Variants in SCN11A observed in about 807,000 individuals in gnomAD.
The protein encoded by SCN11A is sodium voltage-gated channel alpha subunit 11, also known as sodium channel protein type 11 subunit alpha.
A neutral mutation model predicts 162.2 loss-of-function variants in SCN11A; 122 were observed. The observed-to-expected ratio is 0.75, with a 90% CI of 0.65 to 0.87. The LOEUF is 0.87. Ranked by LOEUF, SCN11A falls within the 40% of genes least tolerant of loss-of-function variation. The pLI is 0.00. For synonymous variants in SCN11A, 758 were observed against 751.5 expected (o/e 1.01, Z -0.14); for missense variants, 2,015 against 2,181.6 (o/e 0.92, Z 1.52).
chr3:39,022,217 C>T (rs1037831755), intron 2 of SCN11A, among the ~76,000 whole-genome samples: 1 of 152,214 alleles, frequency 6.6e-6, no homozygotes, highest in African/African-American at 2.4e-5. Context: ...GTCCCTGGGA[C>T]TCATGGAGAG....
intron 2 of SCN11A, among the ~76,000 whole-genome samples, chr3:38,992,074 G>A (rs1476713393): frequency 6.6e-6 from 1 of 152,192 alleles, no homozygotes; most frequent in Non-Finnish European, 1.5e-5. Flanking sequence ...CTCCCAAAGT[G>A]CTGGGATTAC....
chr3:39,026,939 T>C (rs1267028165), intron 2 of SCN11A, among the ~76,000 whole-genome samples: 1 of 152,130 alleles, frequency 6.6e-6, no homozygotes, highest in Non-Finnish European at 1.5e-5. Flanking sequence ...AGAAGAGCCT[T>C]ATTAGTGTTA....
intron 7 of SCN11A, among the ~76,000 whole-genome samples, chr3:38,933,225 C>T (rs1559541396): frequency 2.0e-5 from 3 of 152,176 alleles, no homozygotes; most frequent in Admixed American, 6.5e-5. Context: ...CCCATCTGTA[C>T]ATCACCATCA....
intron 1 of SCN11A, among the ~76,000 whole-genome samples, chr3:39,037,177 C>CAAATGGATGGAACAACA (rs2031924394): frequency 6.6e-6 from 1 of 152,070 alleles, no homozygotes; most frequent in Non-Finnish European, 1.5e-5. Context: ...TTTGCAACAA[C>CAAATGGATGGAACAACA]GTGGATGGAA....
rs776093163 is a variant in SCN11A, at chr3:38,850,451, A to C, written c.4327+30T>G. On this transcript the variant is annotated intron_variant, in intron 29 of 29. Coordinates refer to ENST00000302328, the MANE Select transcript of SCN11A (RefSeq NM_001349253.2). ...ATTTACAAACTTACTTCTGGTTCTTAAAGTCCCTCTGACTGCTGATTTTAC... is the reference window on the plus strand; with the variant it reads ...ATTTACAAACTTACTTCTGGTTCTTCAAGTCCCTCTGACTGCTGATTTTAC... 1.9e-6 allele frequency: 3 copies of C among 1,584,048 alleles called. No individual in the cohort carries two copies. In the Admixed American group the frequency reaches 5.3e-5, roughly 28 times the overall value.
At chr3:38,984,134 G>A (rs2030151551) in intron 2 of SCN11A, among the ~76,000 whole-genome samples, 1 of 152,206 alleles carries the variant, frequency 6.6e-6, no homozygotes, top group African/African-American at 2.4e-5. Flanking sequence ...TCCCAGAGCA[G>A]TCTTGCTCCA....
chr3:38,878,565 A>G (rs1157798678), intron 23 of SCN11A, among the ~76,000 whole-genome samples: 3 of 152,238 alleles, frequency 2.0e-5, no homozygotes, highest in South Asian at 2.1e-4. Context: ...TAATACGTAC[A>G]GAGTTATTTG....
At chr3:39,023,362 C>T (rs1255627712) in intron 2 of SCN11A, among the ~76,000 whole-genome samples, 3 of 152,108 alleles carry the variant, frequency 2.0e-5, no homozygotes, top group South Asian at 2.1e-4. Context: ...GCTATTCATA[C>T]CCTTACTTAT....
At chr3:38,992,162 C>T (rs1421499463) in intron 2 of SCN11A, among the ~76,000 whole-genome samples, 1 of 152,192 alleles carries the variant, frequency 6.6e-6, no homozygotes, top group Non-Finnish European at 1.5e-5. Context: ...TTCTGCTTTC[C>T]CAAAGATTCT....
chr3:38,949,845 G>A (rs1381828960), intron 5 of SCN11A, among the ~76,000 whole-genome samples: 1 of 152,102 alleles, frequency 6.6e-6, no homozygotes, highest in East Asian at 1.9e-4. Flanking sequence ...TGTTTTCTCT[G>A]TTTTCCTTTT....
intron 2 of SCN11A, among the ~76,000 whole-genome samples, chr3:38,974,694 C>CAAAAAAAAAAAAAAAAAA (rs773028321): frequency 4.2e-5 from 2 of 48,142 alleles, no homozygotes; most frequent in African/African-American, 1.2e-4. Context: ...GACTCCGTCT[C>CAAAAAAAAAAAAAAAAAA]AAAAAAAAAA....
chr3:38,909,549 T>A (rs4676585), intron 12 of SCN11A, among the ~76,000 whole-genome samples: 21,562 of 151,658 alleles, frequency 0.14, 2,102 homozygotes, highest in Non-Finnish European at 0.21. Flanking sequence ...GGAGTCTTCT[T>A]CCAAATATTG....
intron 1 of SCN11A, among the ~76,000 whole-genome samples, chr3:39,041,584 C>A (rs371673360): frequency 1.3e-5 from 2 of 152,212 alleles, no homozygotes; most frequent in East Asian, 3.9e-4. Context: ...AACTGCCAAG[C>A]AAGAATATCA....
chr3:38,960,881 G>A (rs1280239060), intron 2 of SCN11A, among the ~76,000 whole-genome samples: 1 of 152,192 alleles, frequency 6.6e-6, no homozygotes, highest in African/African-American at 2.4e-5. Context: ...ATGCTTATGT[G>A]GTGGCCATAG....
At chr3:39,017,980 C>A (rs1197610935) in intron 2 of SCN11A, among the ~76,000 whole-genome samples, 1 of 152,044 alleles carries the variant, frequency 6.6e-6, no homozygotes, top group East Asian at 1.9e-4. Flanking sequence ...TCTGGAACAC[C>A]ATTAATTTAT....
intron 2 of SCN11A, among the ~76,000 whole-genome samples, chr3:39,028,165 C>A (rs1368125856): frequency 6.6e-6 from 1 of 152,210 alleles, no homozygotes; most frequent in Non-Finnish European, 1.5e-5. Context: ...CCATCTCTAG[C>A]CCTCTAGATT....
intron 6 of SCN11A, 83 bp downstream of exon 6, chr3:38,946,706 T>G (rs971768027): frequency 4.6e-5 from 40 of 865,774 alleles, no homozygotes; most frequent in Non-Finnish European, 6.7e-5. Context: ...AGCTATTTGC[T>G]TCCATCCAAT....
At chr3:38,874,111 G>T (rs2065171828) in intron 23 of SCN11A, among the ~76,000 whole-genome samples, 2 of 152,194 alleles carry the variant, frequency 1.3e-5, no homozygotes, top group Non-Finnish European at 2.9e-5. Context: ...TGGATTGTGA[G>T]TTGGGTCATT....
At chr3:38,972,376 T>C (rs768739061) in intron 2 of SCN11A, among the ~76,000 whole-genome samples, 1 of 152,110 alleles carries the variant, frequency 6.6e-6, no homozygotes, top group Non-Finnish European at 1.5e-5. Flanking sequence ...GCTTGGGTCA[T>C]TGGCAGCCCA....
Sources: allele counts gnomAD v4.1 joint callset (sites outside exome capture counted in the v4.1 genomes callset), GRCh38; gene constraint gnomAD v4.1.1; transcripts MANE v1.5; gene names NCBI Gene and HGNC (gene_info 2026-07-23, HGNC 2026-07-21).